The following SNX20 variants were observed in gnomAD, a reference collection of about 807,000 sequenced individuals.
SNX20 encodes sorting nexin 20, also known as sorting nexin-20.
In SNX20, 21 loss-of-function variants were observed where a neutral mutation model predicts 24.5. The observed-to-expected ratio is 0.86, with a 90% CI of 0.61 to 1.23. SNX20 has a LOEUF of 1.23. SNX20 is among the 50% of genes most tolerant of loss of function. SNX20 has a pLI of 0.00. For missense variants in SNX20, 433 were observed against 430.8 expected, an observed-to-expected ratio of 1.00 and a Z score of -0.04; for synonymous variants, 206 against 192.8, an observed-to-expected ratio of 1.07 and a Z score of -0.57.
chr16:50,673,999 A>C lies in SNX20; in HGVS notation c.358T>G (p.Phe120Val), dbSNP rs764315378. The change falls in exon 4 of 4, where the codon TTC becomes GTC. Residue 120 changes from phenylalanine (F) to valine (V), a missense_variant. Coordinates refer to ENST00000330943, the MANE Select transcript of SNX20 (RefSeq NM_182854.4). This position sits in a 1 kb window ranked among gnomAD's most constrained non-coding sequence, Gnocchi z 4.1. ...AGCAGCGCTTTCTGGAGCTTCGCGA[A>C]GTCGGAATAGCGCCGTTCCAGGACG... The part of the protein sequence containing the change: ...KAVLERRYSD[F>V]AKLQKALLKT... The C allele has an allele frequency of 3.7e-6, 6 of 1,612,654 alleles. No homozygotes were observed. The African/African-American group carries it at 8.0e-5, about 22-fold the overall frequency.
Position 50,673,646 on chromosome 16 carries a change from G to T in SNX20, c.711C>A (p.His237Gln). 1 of 1,529,078 alleles carries T rather than the reference G, an allele frequency of 6.5e-7. No homozygotes were observed. The highest frequency in any genetic ancestry group is 1.2e-5 in the South Asian group (1 of 83,286). The allele number at this position is 1,529,078 out of a possible 1,614,324, so 94.7% of individuals were successfully genotyped here. A position where few individuals can be genotyped will look rare whatever the true frequency, so the allele number is the denominator to read the frequency against. The change falls in exon 4 of 4, where the codon CAC becomes CAA. Residue 237 changes from histidine (H) to glutamine (Q), a missense_variant. By Grantham distance (24) the His-to-Gln change is conservative (BLOSUM62 0). Coordinates refer to ENST00000330943, the MANE Select transcript of SNX20 (RefSeq NM_182854.4). The surrounding 1 kb of genome is among the most constrained non-coding windows in gnomAD (Gnocchi z 4.1). ...CCTCGGCGGGGCGGTCGAGGTCGCGGTGGCACAGCAGCACGGCGCACAGGG... is the reference window on the plus strand; with the variant it reads ...CCTCGGCGGGGCGGTCGAGGTCGCGTTGGCACAGCAGCACGGCGCACAGGG... ...VPALCAVLLC[H>Q]RDLDRPAEAF...
At position 50,681,030 on chromosome 16, in the gene SNX20, C is replaced by T. The variant is rs909260466; in HGVS notation, c.-10+160G>A. Among the ~76,000 whole-genome samples the T allele has an allele frequency of 3.3e-5, 5 of 152,236 alleles. No homozygotes were observed. The South Asian group carries it at 8.3e-4, about 25-fold the overall frequency. ...ATGGAAGGTCCAGGAGCTGTCCCTT[C>T]CTCTGCCTCAGTGTGCTAAGGAGAG... On this transcript the variant is annotated intron_variant, in intron 1 of 3. Transcript: ENST00000330943.
chr16:50,668,983 A>G (rs888047330), downstream of SNX20: 1 of 1,547,794 alleles, frequency 6.5e-7, no homozygotes, highest in African/African-American at 1.4e-5. Context: ...GCCCAGCTGG[A>G]TGACCCCTAA....
Position 50,673,886 on chromosome 16 carries a change from A to C in SNX20, c.471T>G (p.Arg157=). Residue 157 remains arginine, a synonymous_variant, in exon 4 of 4, where the codon CGT becomes CGG. Transcript: ENST00000330943. This position sits in a 1 kb window ranked among gnomAD's most constrained non-coding sequence, Gnocchi z 4.1. ...GNFAEEMICE[R]RRALQEYLGL... ...CCAGGTACTCCTGCAGGGCGCGCCGACGCTCACAGATCATCTCCTCAGCGA... is the reference window on the plus strand; with the variant it reads ...CCAGGTACTCCTGCAGGGCGCGCCGCCGCTCACAGATCATCTCCTCAGCGA... 1 of 1,609,350 alleles carries C rather than the reference A, an allele frequency of 6.2e-7. No individual in the cohort carries two copies.
In SNX20 at chr16:50,675,766, T is replaced by C; in HGVS notation, c.282+4A>G. ...GGCTCCACCATTTCCCAATCTCTGC[T>C]TACCACAAACTTAGAGACTTTTCTC... On this transcript the variant is annotated splice_donor_region_variant and intron_variant, in intron 3 of 3. Coordinates refer to ENST00000330943, the MANE Select transcript of SNX20 (RefSeq NM_182854.4). 6.2e-7 allele frequency: 1 copy of C among 1,612,766 alleles called. No individual in the cohort carries two copies. The highest frequency in any genetic ancestry group is 8.5e-7 in the Non-Finnish European group (1 of 1,179,478).
At chr16:50,679,416 A>AC (rs1963250204) in intron 1 of SNX20, among the ~76,000 whole-genome samples, 1 of 152,082 alleles carries the variant, frequency 6.6e-6, no homozygotes, top group Non-Finnish European at 1.5e-5. Context: ...GGTGAAAGGA[A>AC]CCCTGGGGCC....
At chr16:50,668,087 C>T (rs1011235638), downstream of SNX20, 4 of 1,551,576 alleles carry the variant, frequency 2.6e-6, no homozygotes, top group Middle Eastern at 1.7e-4. Context: ...TGAAACCAGG[C>T]CCACGACTTA....
Position 50,673,784 on chromosome 16 carries a change from C to T in SNX20, c.573G>A (p.Glu191=), listed in dbSNP as rs768270570. The T allele has an allele frequency of 6.4e-7, 1 of 1,560,838 alleles. No individual in the cohort carries two copies. The highest frequency in any genetic ancestry group is 8.6e-7 in the Non-Finnish European group (1 of 1,160,190). ...LDFLTRPELR[E]AFGCLRAGQY... is the part of the protein sequence containing the mutation. ...GGCCGGCCCGCAGGCAGCCGAAAGC[C>T]TCGCGCAGCTCCGGCCGCGTGAGGA... Residue 191 remains glutamate, a synonymous_variant, in exon 4 of 4, where the codon GAG becomes GAA. Coordinates refer to ENST00000330943, the MANE Select transcript of SNX20 (RefSeq NM_182854.4). The surrounding 1 kb of genome is among the most constrained non-coding windows in gnomAD (Gnocchi z 4.1).
chr16:50,674,989 CT>C (rs1329848116), intron 3 of SNX20, among the ~76,000 whole-genome samples: 1 of 152,194 alleles, frequency 6.6e-6, no homozygotes, highest in Non-Finnish European at 1.5e-5. Context: ...CCGAGTCTCA[CT>C]TTTCTCATTC....
At chr16:50,668,657 G>T (rs1399152248), downstream of SNX20, 3 of 1,030,590 alleles carry the variant, frequency 2.9e-6, no homozygotes, top group African/African-American at 5.1e-5. Context: ...TTCTGGGAAG[G>T]CAGCTAAATG....
rs898728863 is a variant in SNX20, at chr16:50,671,702, T to C, written c.*1704A>G. ...ACTTTAATTTTCCATAGGCCTAGATTTTCAAGAAGTCCAATATCTCTCACT... is the reference window on the plus strand; with the variant it reads ...ACTTTAATTTTCCATAGGCCTAGATCTTCAAGAAGTCCAATATCTCTCACT... On this transcript the variant is annotated 3_prime_UTR_variant, in exon 4 of 4. Transcript: ENST00000330943. The C allele has an allele frequency of 7.9e-5, 12 of 152,234 alleles. No homozygotes were observed. Among genetic ancestry groups the C allele is most frequent in the Non-Finnish European group, 1.3e-4 (9 of 68,046 alleles). 9.4% of individuals were successfully genotyped at this position (152,234 alleles called of 1,614,324 possible). A position where few individuals can be genotyped will look rare whatever the true frequency, so the allele number is the denominator to read the frequency against.
intron 1 of SNX20, among the ~76,000 whole-genome samples, chr16:50,679,649 T>C (rs1444623581): frequency 6.6e-6 from 1 of 152,234 alleles, no homozygotes; most frequent in Non-Finnish European, 1.5e-5. Flanking sequence ...CGTGTGTCCT[T>C]AAGCAAGTGC....
chr16:50,668,164 C>T (rs540597766), downstream of SNX20: 1 of 1,538,446 alleles, frequency 6.5e-7, no homozygotes, highest in African/African-American at 1.4e-5. Flanking sequence ...GCAAAGTCTC[C>T]AGGGTGCTTG....
chr16:50,669,133 G>T, downstream of SNX20: 1 of 1,396,986 alleles, frequency 7.2e-7, no homozygotes, highest in Non-Finnish European at 9.9e-7. Context: ...ATCTCTCCAG[G>T]CCTTGATTTC....
intron 3 of SNX20, among the ~76,000 whole-genome samples, chr16:50,675,260 G>C (rs1283732516): frequency 6.6e-6 from 1 of 152,202 alleles, no homozygotes; most frequent in East Asian, 1.9e-4. Context: ...CGAAGCCACA[G>C]TAACCAGCTA....
At position 50,677,455 on chromosome 16, in the gene SNX20, C is replaced by A. The variant is rs142606997; in HGVS notation, c.72G>T (p.Gln24His). 4.7e-4 allele frequency: 763 copies of A among 1,610,052 alleles called. 5 individuals carry two copies. In the African/African-American group the frequency reaches 8.9e-3, roughly 19 times the overall value. Residue 24 changes from glutamine (Q) to histidine (H), a missense_variant, in exon 2 of 4, where the codon CAG becomes CAT. Gln to His is a conservative substitution (Grantham distance 24). Coordinates refer to ENST00000330943, the MANE Select transcript of SNX20 (RefSeq NM_182854.4). Reference sequence around the variant, plus strand: ...CGGGGCCAGTGGCTGGTGCTTCCTGCTGGGTCCTTGCCGTGCACTGGGTTA... The same window carrying A: ...CGGGGCCAGTGGCTGGTGCTTCCTGATGGGTCCTTGCCGTGCACTGGGTTA... The part of the protein sequence containing the change: ...GPITQCTART[Q>H]QEAPATGPDL...
chr16:50,675,095 TG>T (rs1374970652), intron 3 of SNX20, among the ~76,000 whole-genome samples: 1 of 152,210 alleles, frequency 6.6e-6, no homozygotes, highest in African/African-American at 2.4e-5. Flanking sequence ...GGCATGCCAT[TG>T]GCATTCAGTG....
rs1357771146 is a variant in SNX20 at position 50,673,530 on chromosome 16, A to G, written c.827T>C (p.Leu276Pro). ...YAPLLDAMVR[L>P]AYALGKDFVT... ...GAAGTCCTTGCCCAGCGCGTAGGCC[A>G]GGCGGACCATGGCGTCCAGCAGAGG... is the stretch of plus-strand genomic sequence containing the variant. Residue 276 changes from leucine to proline, a missense_variant, in exon 4 of 4, where the codon CTG (leucine) becomes CCG (proline). Coordinates refer to ENST00000330943, the MANE Select transcript of SNX20 (RefSeq NM_182854.4). The surrounding 1 kb of genome is among the most constrained non-coding windows in gnomAD (Gnocchi z 4.1). The G allele has an allele frequency of 4.3e-6, 7 of 1,610,106 alleles. No homozygotes were observed. The highest frequency in any genetic ancestry group is 5.9e-6 in the Non-Finnish European group (7 of 1,179,140).
At chr16:50,668,959 C>A, downstream of SNX20, 1 of 1,534,542 alleles carries the variant, frequency 6.5e-7, no homozygotes. Context: ...TCAGCACTGA[C>A]CCTGCACCCC....
Sources: gnomAD v4.1 joint callset for allele counts (sites outside exome capture counted in the v4.1 genomes callset) on GRCh38, gnomAD v4.1.1 for gene constraint, Gnocchi (gnomAD v3.1) non-coding constraint, MANE v1.5 for transcripts, NCBI Gene and HGNC (gene_info 2026-07-23, HGNC 2026-07-21) for gene names.